CORO6: variants seen among roughly 807,000 people sequenced by gnomAD.
The protein encoded by CORO6 is coronin-6.
In CORO6, 43 loss-of-function variants were observed where a neutral mutation model predicts 49.0. The ratio of observed to expected loss-of-function variants is 0.88; its 90% CI spans 0.69 to 1.13. The LOEUF (loss-of-function observed/expected upper bound fraction) is 1.13. CORO6 is among the 50% of genes most tolerant of loss of function. The pLI, the probability that CORO6 is intolerant of heterozygous loss-of-function variation, is 0.00. For missense variants in CORO6, 650 were observed against 647.0 expected (o/e 1.00, Z -0.05); for synonymous variants, 233 against 256.5 (o/e 0.91, Z 0.88).
In CORO6 at chr17:29,616,745, T is replaced by C. The variant is rs1222027031; in HGVS notation, c.961A>G (p.Met321Val). 6.2e-7 allele frequency: 1 copy of C among 1,613,698 alleles called. No individual in the cohort carries two copies. The highest frequency in any genetic ancestry group is 1.3e-5 in the African/African-American group (1 of 74,916). ...SKEPQRGMGFMPKRGLDVSKC... is the reference protein window; with the variant it reads ...SKEPQRGMGFVPKRGLDVSKC... ...CTGACATCCAGTCCCCTTTTGGGCA[T>C]GAAACCCATGCCCCGCTGCGGCTCT... Residue 321 changes from methionine (M) to valine (V), a missense_variant, in exon 8 of 11, where the codon ATG becomes GTG. Transcript: ENST00000388767. This position sits in a 1 kb window ranked among gnomAD's most constrained non-coding sequence, Gnocchi z 5.6.
chr17:29,621,642 T>A lies in CORO6; in HGVS notation c.-63-158A>T. 1.3e-6 allele frequency: 1 copy of A among 743,590 alleles called. No individual in the cohort carries two copies. The highest frequency in any genetic ancestry group is 2.1e-6 in the Non-Finnish European group (1 of 472,452). The allele number at this position is 743,590 out of a possible 1,614,324, so 46.1% of individuals were successfully genotyped here. A position where few individuals can be genotyped will look rare whatever the true frequency, so the allele number is the denominator to read the frequency against. On this transcript the variant is annotated intron_variant, in intron 1 of 10. Transcript: ENST00000388767. This position sits in a 1 kb window ranked among gnomAD's most constrained non-coding sequence, Gnocchi z 4.2. ...TTATTTTGCTGTGTAAAATGCTGTT[T>A]AATGTAAGTGGCTAGGATTTGGGGC...
At position 29,619,091 on chromosome 17, in the gene CORO6, G is replaced by T. The variant is rs762272850; in HGVS notation, c.420C>A (p.His140Gln). The T allele has an allele frequency of 9.3e-6, 15 of 1,613,686 alleles. No homozygotes were observed. Among genetic ancestry groups the T allele is most frequent in the East Asian group, 2.2e-5 (1 of 44,872 alleles). The change falls in exon 4 of 11, where the codon CAC (histidine) becomes CAA (glutamine). Residue 140 changes from histidine to glutamine, a missense_variant. Transcript: ENST00000388767. Reference protein sequence around the residue: ...HSKRVGILSWHPTARNVLLSA... With the variant: ...HSKRVGILSWQPTARNVLLSA... Reference sequence around the variant, plus strand: ...TGAGCAGGACATTCCTGGCAGTAGGGTGCCAGGAGAGGATGCCCACACGCT... The same window carrying T: ...TGAGCAGGACATTCCTGGCAGTAGGTTGCCAGGAGAGGATGCCCACACGCT...
At position 29,621,479 on chromosome 17, in the gene CORO6, T is replaced by C; in HGVS notation, c.-58A>G. On this transcript the variant is annotated 5_prime_UTR_variant, in exon 2 of 11. Coordinates refer to ENST00000388767, the MANE Select transcript of CORO6 (RefSeq NM_032854.4). This position sits in a 1 kb window ranked among gnomAD's most constrained non-coding sequence, Gnocchi z 4.2. ...CAGAAATGCCTTTGGTCCTTAGTCC[T>C]GTGAGCTGCGGGAGGGAGGAGGAGT... 1 of 1,549,840 alleles carries C rather than the reference T, an allele frequency of 6.5e-7. No individual in the cohort carries two copies. Among genetic ancestry groups the C allele is most frequent in the Non-Finnish European group, 8.7e-7 (1 of 1,144,490 alleles).
Position 29,615,083 on chromosome 17 carries a change from C to A in CORO6, c.*649G>T, listed in dbSNP as rs2034781043. ...TGTATTTGTGATGAACCTAACTCCT[C>A]ATGCCAGTTCTCTCGAGATTTCTTC... On this transcript the variant is annotated 3_prime_UTR_variant, in exon 11 of 11. Coordinates refer to ENST00000388767, the MANE Select transcript of CORO6 (RefSeq NM_032854.4). 1 of 152,228 alleles carries A rather than the reference C, an allele frequency of 6.6e-6. No homozygotes were observed. Among genetic ancestry groups the A allele is most frequent in the Non-Finnish European group, 1.5e-5 (1 of 68,048 alleles). 9.4% of individuals were successfully genotyped at this position (152,228 alleles called of 1,614,324 possible).
chr17:29,621,417 C>T lies in CORO6; in HGVS notation c.5G>A (p.Ser2Asn), dbSNP rs1264102973. 3 of 1,607,150 alleles carry T rather than the reference C, an allele frequency of 1.9e-6. No homozygotes were observed. The South Asian group carries it at 3.3e-5, about 18-fold the overall frequency. The change falls in exon 2 of 11, where the codon AGC becomes AAC. Residue 2 changes from serine to asparagine, a missense_variant. Coordinates refer to ENST00000388767, the MANE Select transcript of CORO6 (RefSeq NM_032854.4). This position sits in a 1 kb window ranked among gnomAD's most constrained non-coding sequence, Gnocchi z 4.2. Reference protein sequence around the residue: MSRRVVRQSKFR... With the variant: MNRRVVRQSKFR... Reference sequence around the variant, plus strand: ...CTTGCTTTGCCGAACCACACGTCTGCTCATAGCTGCAGGCAGAGAGGTAGG... The same window carrying T: ...CTTGCTTTGCCGAACCACACGTCTGTTCATAGCTGCAGGCAGAGAGGTAGG...
In CORO6 at chr17:29,615,705, C is replaced by CCCGCT; in HGVS notation, c.*22_*26dup. Reference sequence around the variant, plus strand: ...GCGGGGCCGAGCTTGTGCGCCCCGCCCCGCTCCGCCTGCCTGGCGCGCGGG... The same window carrying CCCGCT: ...GCGGGGCCGAGCTTGTGCGCCCCGCCCCGCTCCGCTCCGCCTGCCTGGCGCGCGGG... On this transcript the variant is annotated 3_prime_UTR_variant, in exon 11 of 11. Transcript: ENST00000388767. The CCCGCT allele has an allele frequency of 6.8e-7, 1 of 1,481,224 alleles. No individual in the cohort carries two copies. Among genetic ancestry groups the CCCGCT allele is most frequent in the Non-Finnish European group, 8.9e-7 (1 of 1,120,354 alleles). The allele number at this position is 1,481,224 out of a possible 1,614,324, so 91.8% of individuals were successfully genotyped here.
At chr17:29,619,033 TG>T (rs1453864611) in intron 4 of CORO6, 26 bp downstream of exon 4, 2 of 1,612,170 alleles carry the variant, frequency 1.2e-6, no homozygotes, top group Non-Finnish European at 1.7e-6. Context: ...CACCCATCTA[TG>T]GGGGACCCCT....
intron 5 of CORO6, chr17:29,618,245 T>C: frequency 7.6e-7 from 1 of 1,307,594 alleles, no homozygotes; most frequent in South Asian, 2.2e-5. Flanking sequence ...CACGCAGACA[T>C]GCACGCGGCC....
At chr17:29,622,413 G>A (rs1273309844) in intron 1 of CORO6, among the ~76,000 whole-genome samples, 1 of 152,176 alleles carries the variant, frequency 6.6e-6, no homozygotes, top group Non-Finnish European at 1.5e-5. Context: ...CCCAGCATCC[G>A]TGTGCCCTTC....
At position 29,617,279 on chromosome 17, in the gene CORO6, C is replaced by T. The variant is rs1369262781; in HGVS notation, c.753+221G>A. On this transcript the variant is annotated intron_variant, in intron 6 of 10. Transcript: ENST00000388767. ...GCATGCAGTCACAGCAAACCACCCCCAGGGACTCGGCATCACCAGGTGGGG... is the reference window on the plus strand; with the variant it reads ...GCATGCAGTCACAGCAAACCACCCCTAGGGACTCGGCATCACCAGGTGGGG... The T allele has an allele frequency of 2.0e-6, 3 of 1,532,466 alleles. No homozygotes were observed. The Admixed American group carries it at 6.0e-5, about 30-fold the overall frequency. 94.9% of individuals were successfully genotyped at this position (1,532,466 alleles called of 1,614,324 possible).
In CORO6 at chr17:29,621,248, G is replaced by A; in HGVS notation, c.174C>T (p.Ala58=). Reference sequence around the variant, plus strand: ...CCTTGGCCAGAGGCAGGACGATGAAGGCACCCCCGCCTCCAGCCTCCACAA... The same window carrying A: ...CCTTGGCCAGAGGCAGGACGATGAAAGCACCCCCGCCTCCAGCCTCCACAA... ...AIIVEAGGGG[A]FIVLPLAKTG... is the part of the protein sequence containing the mutation. Residue 58 remains alanine, a synonymous_variant, in exon 2 of 11, where the codon GCC becomes GCT. Transcript: ENST00000388767. This position sits in a 1 kb window ranked among gnomAD's most constrained non-coding sequence, Gnocchi z 4.2. 1 of 1,614,110 alleles carries A rather than the reference G, an allele frequency of 6.2e-7. No homozygotes were observed. Among genetic ancestry groups the A allele is most frequent in the Non-Finnish European group, 8.5e-7 (1 of 1,180,036 alleles).
At position 29,616,573 on chromosome 17, in the gene CORO6, CAG is replaced by C; in HGVS notation, c.1004+127_1004+128del. The C allele has an allele frequency of 2.4e-6, 3 of 1,276,062 alleles. No individual in the cohort carries two copies. Among genetic ancestry groups the C allele is most frequent in the South Asian group, 2.7e-5 (2 of 73,138 alleles). The allele number at this position is 1,276,062 out of a possible 1,614,324, so 79.0% of individuals were successfully genotyped here. A position where few individuals can be genotyped will look rare whatever the true frequency, so the allele number is the denominator to read the frequency against. On this transcript the variant is annotated intron_variant, in intron 8 of 10. Coordinates refer to ENST00000388767, the MANE Select transcript of CORO6 (RefSeq NM_032854.4). The surrounding 1 kb of genome is among the most constrained non-coding windows in gnomAD (Gnocchi z 5.6). ...GTGAGCGGTGGGTCTGGCACTGAAA[CAG>C]AGCTGTCTTATCCCCCCGCCCCGCT...
In CORO6 at chr17:29,620,441, C is replaced by T. The variant is rs2035252164; in HGVS notation, c.199-668G>A. On this transcript the variant is annotated intron_variant, in intron 2 of 10. Transcript: ENST00000388767. Reference sequence around the variant, plus strand: ...GAGGCAGCTCCGGCTGAAATTTGAGCCCTGGGGCTGTGTCCCAGGATGATG... The same window carrying T: ...GAGGCAGCTCCGGCTGAAATTTGAGTCCTGGGGCTGTGTCCCAGGATGATG... 1.3e-5 allele frequency among the ~76,000 whole-genome samples: 2 copies of T among 152,198 alleles called. 1 individual carries two copies. The highest frequency in any genetic ancestry group is 4.1e-4 in the South Asian group (2 of 4,834).
In CORO6 at chr17:29,622,706, CG is replaced by C. The variant is rs1336136668; in HGVS notation, c.-83del. ...TGGGTACCTGGTCCTGAGCGGGCTGCGGGGCGCTCACGCTGCGAATCCTCTG... is the reference window on the plus strand; with the variant it reads ...TGGGTACCTGGTCCTGAGCGGGCTGCGGGCGCTCACGCTGCGAATCCTCTG... On this transcript the variant is annotated 5_prime_UTR_variant, in exon 1 of 11. It introduces an in-frame stop codon into an upstream open reading frame of the 5' UTR. Coordinates refer to ENST00000388767, the MANE Select transcript of CORO6 (RefSeq NM_032854.4). 1.6e-6 allele frequency: 2 copies of C among 1,280,264 alleles called. No individual in the cohort carries two copies. Among genetic ancestry groups the C allele is most frequent in the African/African-American group, 1.5e-5 (1 of 64,672 alleles). The allele number at this position is 1,280,264 out of a possible 1,614,324, so 79.3% of individuals were successfully genotyped here.
In CORO6 at chr17:29,619,102, G is replaced by A. The variant is rs1052140834; in HGVS notation, c.409C>T (p.Leu137Phe). The change falls in exon 4 of 11, where the codon CTC becomes TTC. Residue 137 changes from leucine to phenylalanine, a missense_variant. By Grantham distance (22) the Leu-to-Phe change is conservative. Transcript: ENST00000388767. Reference protein sequence around the residue: ...LEGHSKRVGILSWHPTARNVL... With the variant: ...LEGHSKRVGIFSWHPTARNVL... Reference sequence around the variant, plus strand: ...TTCCTGGCAGTAGGGTGCCAGGAGAGGATGCCCACACGCTTGGAGTGGCCC... The same window carrying A: ...TTCCTGGCAGTAGGGTGCCAGGAGAAGATGCCCACACGCTTGGAGTGGCCC... 3.0e-5 allele frequency: 49 copies of A among 1,613,616 alleles called. No homozygotes were observed. The highest frequency in any genetic ancestry group is 3.9e-5 in the Non-Finnish European group (46 of 1,179,938).
At chr17:29,620,518 C>T (rs933831601) in intron 2 of CORO6, among the ~76,000 whole-genome samples, 2 of 152,114 alleles carry the variant, frequency 1.3e-5, no homozygotes, top group African/African-American at 2.4e-5. Context: ...TTCCTGACCC[C>T]GCCACCTGTG....
Position 29,621,488 on chromosome 17 carries a change from C to T in CORO6, c.-63-4G>A, listed in dbSNP as rs1249897921. 9 of 1,544,052 alleles carry T rather than the reference C, an allele frequency of 5.8e-6. No homozygotes were observed. The highest frequency in any genetic ancestry group is 1.2e-5 in the South Asian group (1 of 84,216). On this transcript the variant is annotated splice_polypyrimidine_tract_variant and splice_region_variant and intron_variant, in intron 1 of 10. Transcript: ENST00000388767. The surrounding 1 kb of genome is among the most constrained non-coding windows in gnomAD (Gnocchi z 4.2). The stretch of plus-strand genomic sequence containing the variant: ...CTTTGGTCCTTAGTCCTGTGAGCTG[C>T]GGGAGGGAGGAGGAGTGGAGGGGTG...
chr17:29,618,476 T>G, intron 5 of CORO6: 1 of 1,288,292 alleles, frequency 7.8e-7, no homozygotes, highest in Non-Finnish European at 9.8e-7. Flanking sequence ...GAGCTCAGGT[T>G]TCATGCAGGT....
rs758180579 is a variant in CORO6 at position 29,615,925 on chromosome 17, T to G, written c.1293+20A>C. 7 of 1,578,258 alleles carry G rather than the reference T, an allele frequency of 4.4e-6. No homozygotes were observed. In the East Asian group the frequency reaches 9.1e-5, roughly 20 times the overall value. ...GGGGGAGATGTAGATTGGGCCAGAG[T>G]GCAGCAGGGCCGATCTTACCGACAA... On this transcript the variant is annotated intron_variant, in intron 10 of 10. Coordinates refer to ENST00000388767, the MANE Select transcript of CORO6 (RefSeq NM_032854.4).
Sources: gnomAD v4.1 joint callset for allele counts (sites outside exome capture counted in the v4.1 genomes callset) on GRCh38, gnomAD v4.1.1 for gene constraint, Gnocchi (gnomAD v3.1) non-coding constraint, MANE v1.5 for transcripts, NCBI Gene and HGNC (gene_info 2026-07-23, HGNC 2026-07-21) for gene names.